The following PCDH11X variants were observed in gnomAD, a reference collection of about 807,000 sequenced individuals.
The protein encoded by PCDH11X is protocadherin 11 X-linked, also known as protocadherin-11 X-linked.
A neutral mutation model predicts 53.3 loss-of-function variants in PCDH11X; 18 were observed. That is an observed-to-expected ratio of 0.34 (90% CI 0.23 to 0.50). The LOEUF is 0.50. Among genes scored for constraint, PCDH11X ranks in the 20% least tolerant of loss-of-function variants. The pLI, the probability that PCDH11X is intolerant of heterozygous loss-of-function variation, is 0.98. For synonymous variants in PCDH11X, 279 were observed against 393.3 expected (o/e 0.71, Z 3.44); for missense variants, 570 against 1,032.4 (o/e 0.55, Z 6.14).
chrX:92,258,996 G>A (rs2067658641), intron 7 of PCDH11X, among the ~76,000 whole-genome samples: 2 of 110,660 alleles, frequency 1.8e-5, no homozygotes, highest in Admixed American at 1.9e-4. Context: ...CATAATAAAG[G>A]TAACCTTTGC....
chrX:92,172,876 ATAGTACTTAAGGTG>A (rs1006472804), intron 6 of PCDH11X, among the ~76,000 whole-genome samples: 1 of 111,804 alleles, frequency 8.9e-6, no homozygotes, highest in African/African-American at 3.2e-5. Flanking sequence ...AATTATTCCT[ATAGTACTTAAGGTG>A]TAGTACTTAA....
intron 5 of PCDH11X, 38 bp from the exon 6 acceptor site, chrX:91,876,743 T>G: frequency 9.0e-7 from 1 of 1,108,759 alleles, no homozygotes. Flanking sequence ...TAATTTATAT[T>G]AACATAAGTT....
intron 6 of PCDH11X, among the ~76,000 whole-genome samples, chrX:92,186,424 G>A (rs764584876): frequency 1.7e-4 from 19 of 111,271 alleles, no homozygotes; most frequent in Non-Finnish European, 3.2e-4. Flanking sequence ...GACATCGGGA[G>A]ATCGAGACCA....
intron 8 of PCDH11X, among the ~76,000 whole-genome samples, chrX:92,309,732 A>G (rs2068907841): frequency 8.9e-6 from 1 of 111,895 alleles, no homozygotes; most frequent in Non-Finnish European, 1.9e-5. Flanking sequence ...TACCAATTCT[A>G]AAATTAAATG....
chrX:92,554,608 T>G (rs2148754893), intron 10 of PCDH11X, among the ~76,000 whole-genome samples: 1 of 109,506 alleles, frequency 9.1e-6, no homozygotes, highest in Admixed American at 9.8e-5. Flanking sequence ...TAGCAACTCT[T>G]AATTTTTAAA....
Position 91,817,046 on chromosome X carries a change from T to C in PCDH11X, c.-45+5751T>C, listed in dbSNP as rs1439516796. Among the ~76,000 whole-genome samples, 3 of 109,884 alleles carry C rather than the reference T, an allele frequency of 2.7e-5. No homozygotes were observed. The South Asian group carries it at 1.2e-3, about 43-fold the overall frequency. On this transcript the variant is annotated intron_variant, in intron 4 of 10. Coordinates refer to ENST00000682573, the MANE Select transcript of PCDH11X (RefSeq NM_032968.5). ...AAACTCCTATCGACCCTACCCAATATACTAAAGATTATCAAGTGGAGAGTT... is the reference window on the plus strand; with the variant it reads ...AAACTCCTATCGACCCTACCCAATACACTAAAGATTATCAAGTGGAGAGTT...
Position 92,367,786 on chromosome X carries a change from T to C in PCDH11X, c.3145-19949T>C, listed in dbSNP as rs1486135547. Among the ~76,000 whole-genome samples, 9 of 111,959 alleles carry C rather than the reference T, an allele frequency of 8.0e-5. No homozygotes were observed. The East Asian group carries it at 8.5e-4, about 11-fold the overall frequency. ...GTTTGGCTGGATATGAAATTCTGCA[T>C]TGAAAATTCTTTTCTTTAAGAATGT... On this transcript the variant is annotated intron_variant, in intron 8 of 10. Transcript: ENST00000682573.
chrX:92,541,807 G>A (rs1196893053), intron 10 of PCDH11X, among the ~76,000 whole-genome samples: 1 of 110,016 alleles, frequency 9.1e-6, no homozygotes, highest in Non-Finnish European at 1.9e-5. Flanking sequence ...AAATTAGCCT[G>A]GCGTGGTGGT....
chrX:91,866,587 A>T (rs1939002837), intron 5 of PCDH11X, among the ~76,000 whole-genome samples: 1 of 111,076 alleles, frequency 9.0e-6, no homozygotes, highest in African/African-American at 3.3e-5. Context: ...TCTCTGTACC[A>T]TGAGGCCACT....
chrX:91,934,004 T>G (rs903629755), intron 6 of PCDH11X, among the ~76,000 whole-genome samples: 1 of 111,083 alleles, frequency 9.0e-6, no homozygotes, highest in African/African-American at 3.3e-5. Flanking sequence ...ATAACAAAGT[T>G]GTGGTTAAGG....
intron 10 of PCDH11X, among the ~76,000 whole-genome samples, chrX:92,559,719 G>GT (rs1417172230): frequency 9.0e-6 from 1 of 110,676 alleles, no homozygotes; most frequent in African/African-American, 3.3e-5. Context: ...GAATGAAGCT[G>GT]TGCTGGGCTT....
chrX:91,868,888 T>C (rs1939131318), intron 5 of PCDH11X, among the ~76,000 whole-genome samples: 1 of 111,738 alleles, frequency 8.9e-6, no homozygotes, highest in African/African-American at 3.2e-5. Flanking sequence ...TTTTGGACTT[T>C]TCTTAGAATG....
intron 5 of PCDH11X, among the ~76,000 whole-genome samples, chrX:91,872,329 CA>C (rs67943877): frequency 0.33 from 30,986 of 94,021 alleles, 3,962 homozygotes; most frequent in African/African-American, 0.47. Flanking sequence ...AAATAAAAGA[CA>C]AAAAAAAAAA....
chrX:92,042,311 A>G (rs980100021), intron 6 of PCDH11X, among the ~76,000 whole-genome samples: 2 of 108,377 alleles, frequency 1.8e-5, no homozygotes, highest in African/African-American at 3.4e-5. Flanking sequence ...TCAACTAAAT[A>G]TATTTACTTT....
At position 91,835,822 on chromosome X, in the gene PCDH11X, C is replaced by T. The variant is rs1290620874; in HGVS notation, c.318C>T (p.Cys106=). The T allele has an allele frequency of 2.0e-5, 24 of 1,210,519 alleles. No homozygotes were observed. The highest frequency in any genetic ancestry group is 2.7e-5 in the Non-Finnish European group (24 of 895,181). ...CTGGTATCCCAAGGGATGAGCATTG[C>T]TTTTATGAAGTGGAGGTTGCCATTT... ...LCAGIPRDEH[C]FYEVEVAILP... Residue 106 remains cysteine (C), a synonymous_variant, in exon 5 of 11, where the codon TGC becomes TGT. Coordinates refer to ENST00000682573, the MANE Select transcript of PCDH11X (RefSeq NM_032968.5).
intron 9 of PCDH11X, among the ~76,000 whole-genome samples, chrX:92,390,095 T>C (rs1194910889): frequency 9.0e-6 from 1 of 111,020 alleles, no homozygotes; most frequent in Non-Finnish European, 1.9e-5. Flanking sequence ...AAAGGGTAGA[T>C]ATAATTAAAA....
chrX:92,150,087 G>A (rs1006478799), intron 6 of PCDH11X, among the ~76,000 whole-genome samples: 10 of 111,070 alleles, frequency 9.0e-5, no homozygotes, highest in Admixed American at 2.9e-4. Context: ...GTGTGGATGT[G>A]TCTTTTCTTT....
At chrX:92,276,888 C>G (rs1325234647) in intron 8 of PCDH11X, among the ~76,000 whole-genome samples, 2 of 111,313 alleles carry the variant, frequency 1.8e-5, no homozygotes, top group Non-Finnish European at 3.8e-5. Flanking sequence ...GAAAAAGAGC[C>G]TAAACGCTAT....
chrX:92,264,862 G>A (rs1182240929), intron 8 of PCDH11X, among the ~76,000 whole-genome samples: 1 of 100,271 alleles, frequency 1.0e-5, no homozygotes, highest in African/African-American at 3.7e-5. Flanking sequence ...TGGAAAAAGA[G>A]GTTCTTAGTG....
Sources: allele counts gnomAD v4.1 joint callset (sites outside exome capture counted in the v4.1 genomes callset), GRCh38; gene constraint gnomAD v4.1.1; transcripts MANE v1.5; gene names NCBI Gene and HGNC (gene_info 2026-07-23, HGNC 2026-07-21).